The following ZNF577 variants were observed in gnomAD, a reference collection of about 807,000 sequenced individuals.
ZNF577 encodes the protein zinc finger protein 577.
Under a neutral mutation model 13.9 loss-of-function variants are expected in ZNF577, and 14 were observed. That is an observed-to-expected ratio of 1.00 (90% CI 0.66 to 1.57). The LOEUF (loss-of-function observed/expected upper bound fraction) is 1.57, where lower values mean the gene tolerates loss of function less well. Ranked by LOEUF, ZNF577 falls within the 40% of genes most tolerant of loss-of-function variation. ZNF577 has a pLI of 0.00. For synonymous variants in ZNF577, 203 were observed against 202.9 expected, an observed-to-expected ratio of 1.00 and a Z score of 0.00; for missense variants, 555 against 579.2, an observed-to-expected ratio of 0.96 and a Z score of 0.43.
intron 9 of ZNF577, among the ~76,000 whole-genome samples, chr19:51,822,363 C>A (rs1352462161): frequency 6.6e-6 from 1 of 152,122 alleles, no homozygotes; most frequent in Non-Finnish European, 1.5e-5. Context: ...GGAGGGATAC[C>A]TTCCCCCAAA....
In ZNF577 at chr19:51,881,782, C is replaced by T. The variant is rs140694260; in HGVS notation, c.-218-905G>A. Reference sequence around the variant, plus strand: ...GTGGATGCTCAGCCTGCTCCTTCCACACAGACAGGAAAGCAAAGGCGGTCC... The same window carrying T: ...GTGGATGCTCAGCCTGCTCCTTCCATACAGACAGGAAAGCAAAGGCGGTCC... On this transcript the variant is annotated intron_variant, in intron 1 of 5. Transcript: ENST00000638348. Among the ~76,000 whole-genome samples, 78 of 152,316 alleles carry T rather than the reference C, an allele frequency of 5.1e-4. 1 individual carries two copies. Among genetic ancestry groups the T allele is most frequent in the Admixed American group, 3.3e-3 (50 of 15,296 alleles).
chr19:51,878,228 G>A (rs982180918), intron 4 of ZNF577, 161 bp downstream of exon 4: 15 of 699,300 alleles, frequency 2.1e-5, no homozygotes, highest in Non-Finnish European at 2.8e-5. Context: ...TGAACTGCAC[G>A]CTTATGGTTA....
chr19:51,885,431 C>G (rs2084928984), intron 1 of ZNF577, among the ~76,000 whole-genome samples: 1 of 152,082 alleles, frequency 6.6e-6, no homozygotes, highest in African/African-American at 2.4e-5. Context: ...TTAAGAATTT[C>G]CCATTATGAT....
chr19:51,849,682 A>G (rs2084370495), intron 5 of ZNF577, among the ~76,000 whole-genome samples: 1 of 152,204 alleles, frequency 6.6e-6, no homozygotes, highest in African/African-American at 2.4e-5. Flanking sequence ...ACCCTCATAC[A>G]CTGTTAGTAA....
At chr19:51,882,974 T>G (rs566209188) in intron 1 of ZNF577, among the ~76,000 whole-genome samples, 1 of 150,910 alleles carries the variant, frequency 6.6e-6, no homozygotes, top group East Asian at 2.0e-4. Flanking sequence ...TATCATTTTG[T>G]GTGGGCTTTT....
In ZNF577 at chr19:51,845,929, T is replaced by C. The variant is rs541155381; in HGVS notation, c.284-998A>G. On this transcript the variant is annotated intron_variant and NMD_transcript_variant, in intron 5 of 10. Coordinates refer to the ZNF577 transcript ENST00000638827. ...ATTGTGAATAACACTGCAATGAACA[T>C]GGGAGTGCAGCTATATCTGCAAAGT... Among the ~76,000 whole-genome samples the C allele has an allele frequency of 3.3e-5, 5 of 152,360 alleles. No individual in the cohort carries two copies. In the East Asian group the frequency reaches 9.6e-4, roughly 29 times the overall value.
chr19:51,848,106 TCTAA>T (rs1213075281), intron 5 of ZNF577, among the ~76,000 whole-genome samples: 4 of 152,126 alleles, frequency 2.6e-5, no homozygotes, highest in Non-Finnish European at 5.9e-5. Context: ...AAGGAGTAAA[TCTAA>T]CTGATCCTTT....
chr19:51,884,876 A>T (rs1296804436), intron 1 of ZNF577, among the ~76,000 whole-genome samples: 1 of 152,242 alleles, frequency 6.6e-6, no homozygotes, highest in Non-Finnish European at 1.5e-5. Context: ...TCATTCTGAC[A>T]AGAAAACAGC....
intron 9 of ZNF577, among the ~76,000 whole-genome samples, chr19:51,820,663 T>A (rs1374040415): frequency 1.3e-5 from 2 of 152,176 alleles, no homozygotes; most frequent in African/African-American, 4.8e-5. Context: ...GTAGAGAAAA[T>A]CTGAGTCTGT....
Position 51,871,838 on chromosome 19 carries a change from G to T in ZNF577, c.*694C>A, listed in dbSNP as rs975361321. On this transcript the variant is annotated 3_prime_UTR_variant, in exon 6 of 6. Transcript: ENST00000638348. ...AAGGGCAAAGAAAGACGCTCCCCTA[G>T]AGCCTCCAAAAAGAAAAGCAGCCCT... 1 of 152,110 alleles carries T rather than the reference G, an allele frequency of 6.6e-6. No homozygotes were observed. The highest frequency in any genetic ancestry group is 1.5e-5 in the Non-Finnish European group (1 of 68,032). 9.4% of individuals were successfully genotyped at this position (152,110 alleles called of 1,614,324 possible).
intron 9 of ZNF577, among the ~76,000 whole-genome samples, chr19:51,834,690 A>AT (rs72308797): frequency 4.7e-5 from 7 of 150,104 alleles, no homozygotes; most frequent in African/African-American, 9.8e-5. Context: ...TGTGCACACG[A>AT]TTTTTTTTTT....
intron 9 of ZNF577, among the ~76,000 whole-genome samples, chr19:51,832,822 C>T (rs973401089): frequency 9.0e-5 from 11 of 122,608 alleles, no homozygotes; most frequent in African/African-American, 3.4e-4. Context: ...GAATTTTTTA[C>T]GTATGTCAAA....
At position 51,879,074 on chromosome 19, in the gene ZNF577, A is replaced by G. The variant is rs556960792; in HGVS notation, c.61-559T>C. ...AGATTAAGACTATCCTGGCTAACAC[A>G]GTGAAACCCCATCTCCACTAAAAAT... On this transcript the variant is annotated intron_variant, in intron 3 of 5. Transcript: ENST00000638348. Among the ~76,000 whole-genome samples, 17 of 151,934 alleles carry G rather than the reference A, an allele frequency of 1.1e-4. No homozygotes were observed. In the South Asian group the frequency reaches 2.9e-3, roughly 26 times the overall value.
At position 51,824,918 on chromosome 19, in the gene ZNF577, T is replaced by C. The variant is rs1029867224; in HGVS notation, c.*600-13244A>G. 1 of 871,308 alleles carries C rather than the reference T, an allele frequency of 1.1e-6. No homozygotes were observed. 54.0% of individuals were successfully genotyped at this position (871,308 alleles called of 1,614,324 possible). On this transcript the variant is annotated intron_variant and NMD_transcript_variant, in intron 9 of 10. Transcript: ENST00000638827. The surrounding 1 kb of genome is among the most constrained non-coding windows in gnomAD (Gnocchi z 4.7). ...TTTCATACCACCACCACCACAATCATCAACATAAAGGAAGTCTGTACCAAA... is the reference window on the plus strand; with the variant it reads ...TTTCATACCACCACCACCACAATCACCAACATAAAGGAAGTCTGTACCAAA...
At chr19:51,857,385 A>G (rs8110398) in intron 5 of ZNF577, among the ~76,000 whole-genome samples, 13 of 118,002 alleles carry the variant, frequency 1.1e-4, no homozygotes, top group African/African-American at 5.2e-4. Flanking sequence ...AAAGAAAGAA[A>G]GAAAGAAAGA....
In ZNF577 at chr19:51,873,016, G is replaced by A; in HGVS notation, c.974C>T (p.Pro325Leu). The change falls in exon 6 of 6, where the codon CCT becomes CTT. Residue 325 changes from proline to leucine, a missense_variant. Pro to Leu is a moderately conservative substitution (Grantham distance 98, BLOSUM62 -3). Coordinates refer to ENST00000638348, the MANE Select transcript of ZNF577 (RefSeq NM_001370449.1). The stretch of plus-strand genomic sequence containing the variant: ...TTTTTCACACTCACTACATTCATAA[G>A]GTTTCTCTCCCGTATGAATCCTCTG... ...RHQRIHTGEKPYECSECEKAF... is the reference protein window; with the variant it reads ...RHQRIHTGEKLYECSECEKAF... 6.2e-7 allele frequency: 1 copy of A among 1,614,190 alleles called. No homozygotes were observed. Among genetic ancestry groups the A allele is most frequent in the Non-Finnish European group, 8.5e-7 (1 of 1,180,044 alleles).
intron 9 of ZNF577, among the ~76,000 whole-genome samples, chr19:51,831,274 G>A (rs919207382): frequency 5.3e-5 from 8 of 151,892 alleles, no homozygotes; most frequent in Non-Finnish European, 7.4e-5. Context: ...ATGCCACCCC[G>A]CCTGGCTAAT....
Position 51,868,544 on chromosome 19 carries a change from A to T in ZNF577, c.*3988T>A, listed in dbSNP as rs7251070. Among the ~76,000 whole-genome samples, 71,332 of 151,806 alleles carry T rather than the reference A, an allele frequency of 0.47. 17,980 individuals are homozygous for T. Among genetic ancestry groups the T allele is most frequent in the African/African-American group, 0.65 (26,874 of 41,408 alleles). On this transcript the variant is annotated 3_prime_UTR_variant, in exon 6 of 6. Coordinates refer to ENST00000638348, the MANE Select transcript of ZNF577 (RefSeq NM_001370449.1). ...ACCGACTGGGTCTGACCCACCAAAG[A>T]CTGCCCCAGCCAAAGCAGAACTGCC... is the stretch of plus-strand genomic sequence containing the variant.
intron 9 of ZNF577, among the ~76,000 whole-genome samples, chr19:51,815,769 G>A (rs1036231056): frequency 4.6e-5 from 7 of 151,626 alleles, no homozygotes; most frequent in African/African-American, 1.7e-4. Context: ...GCTGAGGCTG[G>A]AGAATCCCTT....
Sources: allele counts gnomAD v4.1 joint callset (sites outside exome capture counted in the v4.1 genomes callset), GRCh38; gene constraint gnomAD v4.1.1; non-coding constraint Gnocchi (gnomAD v3.1); transcripts MANE v1.5; gene names NCBI Gene and HGNC (gene_info 2026-07-23, HGNC 2026-07-21).